Variants in CDH12 observed in about 807,000 individuals in gnomAD.
CDH12 encodes cadherin 12.
CDH12 carries 41 observed loss-of-function variants against 74.1 expected under a neutral mutation model. That is an observed-to-expected ratio of 0.55 (90% CI 0.43 to 0.72). The LOEUF (loss-of-function observed/expected upper bound fraction) is 0.72. CDH12 is among the 30% of genes least tolerant of loss of function. The probability of loss-of-function intolerance (pLI) is 0.00; values close to 1 mark genes in which losing one functional copy is unlikely to be tolerated. For synonymous variants in CDH12, 399 were observed against 355.0 expected, an observed-to-expected ratio of 1.12 and a Z score of -1.39; for missense variants, 945 against 977.2, an observed-to-expected ratio of 0.97 and a Z score of 0.44.
At chr5:22,437,873 A>G (rs112013281) in intron 2 of CDH12, among the ~76,000 whole-genome samples, 1 of 152,092 alleles carries the variant, frequency 6.6e-6, no homozygotes, top group Non-Finnish European at 1.5e-5. Flanking sequence ...AAAAATCTTA[A>G]CATGTTGACA....
At chr5:22,352,848 A>G (rs1236659997) in intron 3 of CDH12, among the ~76,000 whole-genome samples, 1 of 152,192 alleles carries the variant, frequency 6.6e-6, no homozygotes, top group Non-Finnish European at 1.5e-5. Context: ...CATAAGAACT[A>G]GTAACACAAT....
At chr5:22,497,540 T>C (rs556589956) in intron 2 of CDH12, among the ~76,000 whole-genome samples, 1 of 151,800 alleles carries the variant, frequency 6.6e-6, no homozygotes, top group East Asian at 1.9e-4. Flanking sequence ...TGGGCCTCTA[T>C]AGTGCACTAT....
chr5:22,757,754 T>C (rs564655903), intron 1 of CDH12, among the ~76,000 whole-genome samples: 1 of 152,184 alleles, frequency 6.6e-6, no homozygotes, highest in Non-Finnish European at 1.5e-5. Flanking sequence ...CTCCTCTCAA[T>C]AACAACTTGT....
chr5:22,567,018 C>T (rs1278948488), intron 1 of CDH12, among the ~76,000 whole-genome samples: 1 of 152,156 alleles, frequency 6.6e-6, no homozygotes, highest in African/African-American at 2.4e-5. Flanking sequence ...GTGGCTAAGG[C>T]ACTAAGTGAA....
chr5:22,495,837 G>A (rs533887038), intron 2 of CDH12, among the ~76,000 whole-genome samples: 2 of 152,204 alleles, frequency 1.3e-5, no homozygotes, highest in East Asian at 1.9e-4. Context: ...AGTGGAAGGG[G>A]ATCCATGAAT....
chr5:22,722,241 C>T (rs548050126), intron 1 of CDH12, among the ~76,000 whole-genome samples: 1 of 152,306 alleles, frequency 6.6e-6, no homozygotes, highest in South Asian at 2.1e-4. Context: ...AGCATATTGC[C>T]TGGCATGCAG....
intron 1 of CDH12, among the ~76,000 whole-genome samples, chr5:22,522,453 G>A (rs1382068780): frequency 6.6e-6 from 1 of 152,114 alleles, no homozygotes; most frequent in African/African-American, 2.4e-5. Flanking sequence ...GAAAATTGTT[G>A]TTATTTGCAG....
At chr5:21,991,607 A>C (rs1287578070) in intron 5 of CDH12, among the ~76,000 whole-genome samples, 1 of 150,190 alleles carries the variant, frequency 6.7e-6, no homozygotes, top group Non-Finnish European at 1.5e-5. Flanking sequence ...TGCTCATAAG[A>C]ACACAATCTG....
At chr5:21,764,651 G>GAAAAAAA (rs369895363) in intron 12 of CDH12, among the ~76,000 whole-genome samples, 32 of 109,622 alleles carry the variant, frequency 2.9e-4, no homozygotes, top group East Asian at 5.5e-4. Flanking sequence ...TTCATATCAA[G>GAAAAAAA]AAAAAAAAAA....
intron 6 of CDH12, among the ~76,000 whole-genome samples, chr5:21,974,200 A>G (rs1285722217): frequency 1.3e-5 from 2 of 151,978 alleles, no homozygotes; most frequent in Non-Finnish European, 2.9e-5. Flanking sequence ...TAGAAAATAT[A>G]AGCAATGGCT....
intron 3 of CDH12, among the ~76,000 whole-genome samples, chr5:22,277,685 T>C (rs1482815215): frequency 6.6e-6 from 1 of 151,386 alleles, no homozygotes; most frequent in Non-Finnish European, 1.5e-5. Flanking sequence ...ATACAAAAAA[T>C]CAGCCAGGCG....
At chr5:22,582,778 C>T (rs757034196) in intron 1 of CDH12, among the ~76,000 whole-genome samples, 1 of 151,976 alleles carries the variant, frequency 6.6e-6, no homozygotes, top group Non-Finnish European at 1.5e-5. Flanking sequence ...AAGTTTACTG[C>T]AATTGTATCA....
At chr5:21,815,745 C>T (rs1035847324) in intron 9 of CDH12, among the ~76,000 whole-genome samples, 1 of 152,148 alleles carries the variant, frequency 6.6e-6, no homozygotes, top group African/African-American at 2.4e-5. Context: ...TTACACGCAT[C>T]AGTATGCTTC....
chr5:21,958,538 T>G (rs1439977440), intron 6 of CDH12, among the ~76,000 whole-genome samples: 1 of 152,180 alleles, frequency 6.6e-6, no homozygotes, highest in Admixed American at 6.5e-5. Context: ...CAGTACCATT[T>G]ATTGAAAAGA....
chr5:22,538,262 C>A (rs978175392), intron 1 of CDH12, among the ~76,000 whole-genome samples: 1 of 152,182 alleles, frequency 6.6e-6, no homozygotes, highest in African/African-American at 2.4e-5. Context: ...TTCAGCCAAT[C>A]TACTCCCTCT....
At chr5:21,971,373 C>T (rs536948211) in intron 6 of CDH12, among the ~76,000 whole-genome samples, 2 of 152,054 alleles carry the variant, frequency 1.3e-5, no homozygotes, top group African/African-American at 4.8e-5. Flanking sequence ...GTGAATAATA[C>T]TGCATTGGGG....
At chr5:22,289,182 CAGAGAGGATTGATGAA>C in intron 3 of CDH12, among the ~76,000 whole-genome samples, 1 of 152,154 alleles carries the variant, frequency 6.6e-6, no homozygotes, top group East Asian at 1.9e-4. Flanking sequence ...TATCAAGTCC[CAGAGAGGATTGATGAA>C]AAATGACAAA....
chr5:22,095,748 C>T (rs565222083), intron 4 of CDH12, among the ~76,000 whole-genome samples: 1 of 151,562 alleles, frequency 6.6e-6, no homozygotes, highest in Admixed American at 6.6e-5. Flanking sequence ...CACACCCCGA[C>T]CCCTTATCTC....
chr5:21,860,783 C>G (rs1385446725), intron 6 of CDH12, among the ~76,000 whole-genome samples: 1 of 152,006 alleles, frequency 6.6e-6, no homozygotes, highest in Admixed American at 6.6e-5. Context: ...GCTCTTAGGC[C>G]TTCAGTTACA....
Sources: gnomAD v4.1 joint callset for allele counts (sites outside exome capture counted in the v4.1 genomes callset) on GRCh38, gnomAD v4.1.1 for gene constraint, MANE v1.5 for transcripts, NCBI Gene and HGNC (gene_info 2026-07-23, HGNC 2026-07-21) for gene names.